The following RAP1B variants were observed in gnomAD, a reference collection of about 807,000 sequenced individuals.
RAP1B encodes the protein RAP1B, member of RAS oncogene family.
A neutral mutation model predicts 27.5 loss-of-function variants in RAP1B; 1 was observed. The ratio of observed to expected loss-of-function variants is 0.04; its 90% CI spans 0.01 to 0.17. The LOEUF is 0.17. Among genes scored for constraint, RAP1B ranks in the 10% least tolerant of loss-of-function variants. RAP1B has a pLI of 1.00. For missense variants in RAP1B, 84 were observed against 214.8 expected (o/e 0.39, Z 3.81); for synonymous variants, 75 against 73.1 (o/e 1.03, Z -0.13).
At chr12:68,620,151 T>TA (rs1871291873) in intron 1 of RAP1B, among the ~76,000 whole-genome samples, 1 of 151,992 alleles carries the variant, frequency 6.6e-6, no homozygotes, top group African/African-American at 2.4e-5. Context: ...ATCCTTTTTT[T>TA]ACCTTTCAGG....
At position 68,661,785 on chromosome 12, in the gene RAP1B, C is replaced by G. The variant is rs1874606963; in HGVS notation, c.*2536C>G. The G allele has an allele frequency of 6.6e-6, 1 of 151,984 alleles. No homozygotes were observed. The highest frequency in any genetic ancestry group is 6.6e-5 in the Admixed American group (1 of 15,244). 9.4% of individuals were successfully genotyped at this position (151,984 alleles called of 1,614,324 possible). Reference sequence around the variant, plus strand: ...ACTACTGCTCTGGTGGGAAACAACACATTAGTTACAGATGAGTGTTAGGGT... The same window carrying G: ...ACTACTGCTCTGGTGGGAAACAACAGATTAGTTACAGATGAGTGTTAGGGT... On this transcript the variant is annotated 3_prime_UTR_variant, in exon 8 of 8. Transcript: ENST00000250559.
chr12:68,643,164 C>T (rs1204349542), intron 1 of RAP1B, among the ~76,000 whole-genome samples: 3 of 152,166 alleles, frequency 2.0e-5, no homozygotes, highest in Non-Finnish European at 4.4e-5. Flanking sequence ...GTAATACCTT[C>T]TAATAGTCAG....
chr12:68,618,866 G>A (rs372343430), intron 1 of RAP1B, among the ~76,000 whole-genome samples: 2 of 152,024 alleles, frequency 1.3e-5, no homozygotes, highest in Admixed American at 6.6e-5. Context: ...AAACACTGGC[G>A]AGGCCATGGA....
chr12:68,667,250 A>T lies in RAP1B; in HGVS notation c.*8001A>T, dbSNP rs967048347. On this transcript the variant is annotated 3_prime_UTR_variant, in exon 8 of 8. Transcript: ENST00000250559. ...AGAAAATTAGTGTTTCTGAGACCAA[A>T]TGGTGGTGTTTATAAGATTTTGCTT... 6 of 152,272 alleles carry T rather than the reference A, an allele frequency of 3.9e-5. No homozygotes were observed. The highest frequency in any genetic ancestry group is 3.4e-3 in the Middle Eastern group (1 of 294). 9.4% of individuals were successfully genotyped at this position (152,272 alleles called of 1,614,324 possible).
intron 1 of RAP1B, among the ~76,000 whole-genome samples, chr12:68,618,517 G>A (rs1565656142): frequency 6.6e-6 from 1 of 152,148 alleles, no homozygotes; most frequent in Non-Finnish European, 1.5e-5. Context: ...TTCAAGGTAT[G>A]GTCCAAGGAA....
rs1314811358 is a variant in RAP1B at position 68,669,916 on chromosome 12, AAT to A, written c.*10672_*10673del. ...GTATATGACGTTTATACGTGACAAA[AAT>A]ATATTTCTTTTTCTTTCTTTTTTTT... On this transcript the variant is annotated 3_prime_UTR_variant, in exon 8 of 8. Coordinates refer to ENST00000250559, the MANE Select transcript of RAP1B (RefSeq NM_001010942.3). The A allele has an allele frequency of 6.6e-6, 1 of 151,704 alleles. No individual in the cohort carries two copies. The highest frequency in any genetic ancestry group is 2.4e-5 in the African/African-American group (1 of 41,118). 9.4% of individuals were successfully genotyped at this position (151,704 alleles called of 1,614,324 possible).
At chr12:68,621,109 A>G (rs1266639779) in intron 1 of RAP1B, among the ~76,000 whole-genome samples, 1 of 152,226 alleles carries the variant, frequency 6.6e-6, no homozygotes, top group Non-Finnish European at 1.5e-5. Flanking sequence ...AGAGGAAGAA[A>G]AAGGTTTAGG....
chr12:68,631,650 C>G (rs764542049), intron 1 of RAP1B, among the ~76,000 whole-genome samples: 1 of 152,038 alleles, frequency 6.6e-6, no homozygotes, highest in Non-Finnish European at 1.5e-5. Context: ...CCTTTTGTGC[C>G]TTTGCTCTCA....
In RAP1B at chr12:68,648,680, T is replaced by C. The variant is rs1361002162; in HGVS notation, c.-26-19T>C. On this transcript the variant is annotated intron_variant, in intron 1 of 7. Transcript: ENST00000250559. ...CACAACTTTACTTAGAATTCTTTTT[T>C]TTTTTTTCCTTTAATAAGGTACTAG... is the stretch of plus-strand genomic sequence containing the variant. 6.4e-7 allele frequency: 1 copy of C among 1,562,452 alleles called. No individual in the cohort carries two copies. The highest frequency in any genetic ancestry group is 1.1e-5 in the South Asian group (1 of 87,208).
chr12:68,632,959 A>G (rs372131083), intron 1 of RAP1B, among the ~76,000 whole-genome samples: 14 of 152,198 alleles, frequency 9.2e-5, no homozygotes, highest in African/African-American at 2.7e-4. Flanking sequence ...GATGTGAGCT[A>G]TCATGCCCAG....
In RAP1B at chr12:68,670,384, A is replaced by G. The variant is rs1875039250; in HGVS notation, c.*11135A>G. On this transcript the variant is annotated 3_prime_UTR_variant, in exon 8 of 8. Transcript: ENST00000250559. ...ATGTTTTCAAGCTATAAAGTAAAAC[A>G]GTAGAAGTCTTAGAAGAAAATCTAA... 1 of 152,376 alleles carries G rather than the reference A, an allele frequency of 6.6e-6. No homozygotes were observed. The highest frequency in any genetic ancestry group is 2.4e-5 in the African/African-American group (1 of 41,594). 9.4% of individuals were successfully genotyped at this position (152,376 alleles called of 1,614,324 possible). A position where few individuals can be genotyped will look rare whatever the true frequency, so the allele number is the denominator to read the frequency against.
In RAP1B at chr12:68,663,760, A is replaced by G. The variant is rs1396149969; in HGVS notation, c.*4511A>G. Reference sequence around the variant, plus strand: ...CTGATTTTTGTATCTGAGAATCAATAAATGCATTCAGTATTCTCTACCGTG... The same window carrying G: ...CTGATTTTTGTATCTGAGAATCAATGAATGCATTCAGTATTCTCTACCGTG... On this transcript the variant is annotated 3_prime_UTR_variant, in exon 8 of 8. Coordinates refer to ENST00000250559, the MANE Select transcript of RAP1B (RefSeq NM_001010942.3). The G allele has an allele frequency of 6.6e-6, 1 of 152,194 alleles. No homozygotes were observed. The highest frequency in any genetic ancestry group is 1.5e-5 in the Non-Finnish European group (1 of 68,030). The allele number at this position is 152,194 out of a possible 1,614,324, so 9.4% of individuals were successfully genotyped here.
chr12:68,636,487 A>G (rs1216172261), intron 1 of RAP1B, among the ~76,000 whole-genome samples: 2 of 152,190 alleles, frequency 1.3e-5, no homozygotes, highest in African/African-American at 4.8e-5. Flanking sequence ...GAGTGCAGTA[A>G]TGCAGTCATA....
intron 1 of RAP1B, among the ~76,000 whole-genome samples, chr12:68,641,862 T>C (rs1439190284): frequency 6.6e-6 from 1 of 152,180 alleles, no homozygotes; most frequent in Non-Finnish European, 1.5e-5. Flanking sequence ...TAGCTTTCTT[T>C]AGAAATTTAA....
chr12:68,653,743 A>G (rs540309261), intron 4 of RAP1B, among the ~76,000 whole-genome samples: 1 of 152,240 alleles, frequency 6.6e-6, no homozygotes. Context: ...CCTGGCTAAC[A>G]TGGTGAAAGC....
rs565145758 is a variant in RAP1B, at chr12:68,668,553, G to C, written c.*9304G>C. ...TGAGTTAAACCAAAACAGATTTAAT[G>C]TCTAAACTTAAATCTAGTTTGACAT... is the stretch of plus-strand genomic sequence containing the variant. On this transcript the variant is annotated 3_prime_UTR_variant, in exon 8 of 8. Coordinates refer to ENST00000250559, the MANE Select transcript of RAP1B (RefSeq NM_001010942.3). 1 of 152,252 alleles carries C rather than the reference G, an allele frequency of 6.6e-6. No individual in the cohort carries two copies. The highest frequency in any genetic ancestry group is 1.9e-4 in the East Asian group (1 of 5,192). 9.4% of individuals were successfully genotyped at this position (152,252 alleles called of 1,614,324 possible).
At chr12:68,634,732 A>G (rs533770969) in intron 1 of RAP1B, among the ~76,000 whole-genome samples, 1 of 152,256 alleles carries the variant, frequency 6.6e-6, no homozygotes, top group South Asian at 2.1e-4. Flanking sequence ...GTTACCCTCT[A>G]TTCTGTATTC....
At chr12:68,616,004 C>T (rs1442105661) in intron 1 of RAP1B, among the ~76,000 whole-genome samples, 1 of 151,988 alleles carries the variant, frequency 6.6e-6, no homozygotes, top group African/African-American at 2.4e-5. Flanking sequence ...CACTCTGTCG[C>T]CCAGGCTGGA....
At chr12:68,650,646 C>T in intron 3 of RAP1B, 178 bp downstream of exon 3, 1 of 481,994 alleles carries the variant, frequency 2.1e-6, no homozygotes, top group Non-Finnish European at 3.3e-6. Flanking sequence ...ATCATAAACA[C>T]CCATACTCTC....
Sources: gnomAD v4.1 joint callset for allele counts (sites outside exome capture counted in the v4.1 genomes callset) on GRCh38, gnomAD v4.1.1 for gene constraint, MANE v1.5 for transcripts, NCBI Gene and HGNC (gene_info 2026-07-23, HGNC 2026-07-21) for gene names.